The following BCAS4 variants were observed in gnomAD, a reference collection of about 807,000 sequenced individuals.
BCAS4 encodes the protein breast carcinoma amplified sequence 4, also known as breast carcinoma-amplified sequence 4.
A neutral mutation model predicts 15.7 loss-of-function variants in BCAS4; 9 were observed. That is an observed-to-expected ratio of 0.57 (90% confidence interval 0.34 to 1.00). The LOEUF is 1.00. Among genes scored for constraint, BCAS4 ranks in the 50% least tolerant of loss-of-function variants. BCAS4 has a pLI of 0.02. For missense variants in BCAS4, 225 were observed against 239.1 expected (o/e 0.94, Z 0.39); for synonymous variants, 101 against 99.5 (o/e 1.02, Z -0.09).
chr20:50,859,167 C>T (rs1978934150), intron 4 of BCAS4, among the ~76,000 whole-genome samples: 1 of 152,062 alleles, frequency 6.6e-6, no homozygotes, highest in Non-Finnish European at 1.5e-5. Context: ...GGTCTGAACT[C>T]CTGGGCTCCA....
intron 4 of BCAS4, among the ~76,000 whole-genome samples, chr20:50,863,801 C>T (rs1979216334): frequency 6.6e-6 from 1 of 152,174 alleles, no homozygotes; most frequent in Non-Finnish European, 1.5e-5. Context: ...AGGTGGATCT[C>T]AGTGTGATGG....
At chr20:50,844,889 G>T (rs889071778) in intron 4 of BCAS4, among the ~76,000 whole-genome samples, 38 of 152,130 alleles carry the variant, frequency 2.5e-4, no homozygotes, top group Admixed American at 2.0e-3. Flanking sequence ...CCAGGGGTGG[G>T]TGAGTCATTC....
intron 4 of BCAS4, among the ~76,000 whole-genome samples, chr20:50,870,800 G>A (rs1979598905): frequency 6.6e-6 from 1 of 152,266 alleles, no homozygotes; most frequent in Non-Finnish European, 1.5e-5. Context: ...GGTGCGCAGG[G>A]TGGACGCAGG....
At position 50,871,291 on chromosome 20, in the gene BCAS4, G is replaced by A. The variant is rs570258432; in HGVS notation, c.400-5195G>A. Among the ~76,000 whole-genome samples the A allele has an allele frequency of 2.0e-5, 3 of 152,342 alleles. No individual in the cohort carries two copies. In the East Asian group the frequency reaches 5.8e-4, roughly 29 times the overall value. On this transcript the variant is annotated intron_variant, in intron 4 of 4. Transcript: ENST00000371608. Reference sequence around the variant, plus strand: ...TCCTCCCTTGCAGGCTGCCATGATAGTCCAAGAGAGAACGGGTGTGAAAGT... The same window carrying A: ...TCCTCCCTTGCAGGCTGCCATGATAATCCAAGAGAGAACGGGTGTGAAAGT...
In BCAS4 at chr20:50,860,997, GAA is replaced by G. The variant is rs200476021; in HGVS notation, c.400-15474_400-15473del. 2.0e-3 allele frequency among the ~76,000 whole-genome samples: 267 copies of G among 133,822 alleles called. 1 individual carries two copies. The highest frequency in any genetic ancestry group is 7.0e-3 in the African/African-American group (256 of 36,642). 87.8% of individuals were successfully genotyped at this position (133,822 alleles called of 152,430 possible). On this transcript the variant is annotated intron_variant, in intron 4 of 4. Transcript: ENST00000371608. ...GTGACAGAGCAAGACCCGGTCTCTG[GAA>G]AAAAAAAAAAAAAAGTCTGGATACG...
intron 4 of BCAS4, among the ~76,000 whole-genome samples, chr20:50,852,845 G>C (rs1291866081): frequency 6.6e-6 from 1 of 152,212 alleles, no homozygotes; most frequent in East Asian, 1.9e-4. Flanking sequence ...GCACCCAGAG[G>C]ACCCAGGACA....
chr20:50,867,587 C>T (rs568239988), intron 4 of BCAS4, among the ~76,000 whole-genome samples: 1 of 152,262 alleles, frequency 6.6e-6, no homozygotes, highest in South Asian at 2.1e-4. Flanking sequence ...TGAAACCCTG[C>T]ACTCAAGGGA....
intron 4 of BCAS4, among the ~76,000 whole-genome samples, chr20:50,848,608 T>C (rs2088575557): frequency 6.6e-6 from 1 of 152,246 alleles, no homozygotes; most frequent in Admixed American, 6.5e-5. Flanking sequence ...GGGGAGGGAC[T>C]TGGCCAAATT....
At chr20:50,821,956 C>T (rs1163131580) in intron 2 of BCAS4, among the ~76,000 whole-genome samples, 7 of 152,130 alleles carry the variant, frequency 4.6e-5, no homozygotes, top group Non-Finnish European at 1.0e-4. Flanking sequence ...TTTTTTCCTC[C>T]GTAAAATGAA....
At chr20:50,830,452 G>A (rs187436225) in intron 3 of BCAS4, 72 bp downstream of exon 3, 277 of 1,301,870 alleles carry the variant, frequency 2.1e-4, no homozygotes, top group Admixed American at 5.1e-4. Context: ...CAAAGACGCC[G>A]ATCTGGCCTT....
intron 4 of BCAS4, among the ~76,000 whole-genome samples, chr20:50,863,887 T>G (rs932065561): frequency 7.2e-6 from 1 of 139,420 alleles, no homozygotes; most frequent in Non-Finnish European, 1.5e-5. Context: ...ACTCTTCCAT[T>G]TGCTGCTCTG....
chr20:50,814,179 G>A (rs1375246733), intron 1 of BCAS4, among the ~76,000 whole-genome samples: 2 of 152,138 alleles, frequency 1.3e-5, no homozygotes, highest in African/African-American at 4.8e-5. Flanking sequence ...GCAAACTCTC[G>A]CTTTGATCCT....
chr20:50,837,671 G>C (rs955152001), intron 3 of BCAS4, among the ~76,000 whole-genome samples: 1 of 152,180 alleles, frequency 6.6e-6, no homozygotes, highest in African/African-American at 2.4e-5. Context: ...CCTCTCCCCG[G>C]AGTCGGAGCT....
the BCAS4 span, chr20:50,882,265 A>G: frequency 6.6e-6 from 1 of 152,250 alleles, no homozygotes; most frequent in African/African-American, 2.4e-5. Flanking sequence ...TACACACACA[A>G]GAAAGAAAAG....
At chr20:50,847,231 C>T (rs146908157) in intron 4 of BCAS4, among the ~76,000 whole-genome samples, 2,458 of 152,208 alleles carry the variant, frequency 0.016, 50 homozygotes, top group African/African-American at 0.057. Context: ...GGATTACAGG[C>T]GCGCACCACA....
intron 3 of BCAS4, among the ~76,000 whole-genome samples, chr20:50,832,353 G>A (rs2088354055): frequency 1.3e-5 from 2 of 152,100 alleles, no homozygotes; most frequent in South Asian, 4.2e-4. Flanking sequence ...CGCCTCCCGG[G>A]TTCAAGTGAT....
At chr20:50,855,488 C>T (rs575666648) in intron 4 of BCAS4, among the ~76,000 whole-genome samples, 1 of 152,238 alleles carries the variant, frequency 6.6e-6, no homozygotes, top group African/African-American at 2.4e-5. Context: ...CCCCAGGCCA[C>T]AATCCTCGCA....
At chr20:50,840,702 C>T (rs528169194) in intron 3 of BCAS4, 181 of 1,612,980 alleles carry the variant, frequency 1.1e-4, no homozygotes, top group Non-Finnish European at 1.5e-4. Flanking sequence ...TCTTCAGTTT[C>T]GACTTATCGA....
rs73615348 is a variant in BCAS4, at chr20:50,854,927, C to T, written c.399+13027C>T. 6.6e-3 allele frequency among the ~76,000 whole-genome samples: 1,005 copies of T among 152,338 alleles called. 27 individuals carry two copies. Among genetic ancestry groups the T allele is most frequent in the Admixed American group, 0.058 (893 of 15,308 alleles). On this transcript the variant is annotated intron_variant, in intron 4 of 4. Transcript: ENST00000371608. Reference sequence around the variant, plus strand: ...CAGGAATTGAATGGAGTGGCTCACTCGCCTCTGAGCTGCTGCCCATCTGGG... The same window carrying T: ...CAGGAATTGAATGGAGTGGCTCACTTGCCTCTGAGCTGCTGCCCATCTGGG...
Sources: gnomAD v4.1 joint callset for allele counts (sites outside exome capture counted in the v4.1 genomes callset) on GRCh38, gnomAD v4.1.1 for gene constraint, MANE v1.5 for transcripts, NCBI Gene and HGNC (gene_info 2026-07-23, HGNC 2026-07-21) for gene names.